BCAS1: variants seen among roughly 807,000 people sequenced by gnomAD.
BCAS1 encodes breast carcinoma-amplified sequence 1.
In BCAS1, 46 loss-of-function variants were observed where a neutral mutation model predicts 65.4. The ratio of observed to expected loss-of-function variants is 0.70; its 90% confidence interval spans 0.55 to 0.90. BCAS1 has a LOEUF of 0.90. BCAS1 is among the 40% of genes least tolerant of loss of function. BCAS1 has a pLI of 0.00. For missense variants in BCAS1, 793 were observed against 771.2 expected, an observed-to-expected ratio of 1.03 and a Z score of -0.33; for synonymous variants, 298 against 293.5, an observed-to-expected ratio of 1.02 and a Z score of -0.16.
chr20:54,046,373 CAGA>C (rs1205477496), intron 3 of BCAS1, among the ~76,000 whole-genome samples: 10 of 151,726 alleles, frequency 6.6e-5, no homozygotes, highest in Admixed American at 2.6e-4. Flanking sequence ...ACTAAAAATA[CAGA>C]AGATTAGCTG....
intron 12 of BCAS1, among the ~76,000 whole-genome samples, chr20:53,951,604 T>C (rs1445866792): frequency 1.3e-5 from 2 of 152,258 alleles, no homozygotes; most frequent in East Asian, 1.9e-4. Context: ...AGGAGCTTTG[T>C]GGCATCCCAA....
At chr20:54,040,224 A>G (rs991557336) in intron 3 of BCAS1, among the ~76,000 whole-genome samples, 4 of 151,464 alleles carry the variant, frequency 2.6e-5, no homozygotes, top group African/African-American at 9.7e-5. Flanking sequence ...ATATGCATTT[A>G]GTTTTGAAAA....
At chr20:53,945,825 T>C (rs2145434897) in intron 12 of BCAS1, among the ~76,000 whole-genome samples, 1 of 152,282 alleles carries the variant, frequency 6.6e-6, no homozygotes, top group East Asian at 1.9e-4. Context: ...TAGGCTGAAG[T>C]ACAGTGGTGG....
Position 53,944,186 on chromosome 20 carries a change from CCTT to C in BCAS1, c.*733_*735del, listed in dbSNP as rs778226038. On this transcript the variant is annotated 3_prime_UTR_variant, in exon 13 of 13. Transcript: ENST00000688948. ...ACCCAACACAGCCCGGGTTCTCCCTCCTTGAGATGTGAATTTAAACAAATGGAT... is the reference window on the plus strand; with the variant it reads ...ACCCAACACAGCCCGGGTTCTCCCTCGAGATGTGAATTTAAACAAATGGAT... 5 of 152,172 alleles carry C rather than the reference CCTT, an allele frequency of 3.3e-5. No individual in the cohort carries two copies. The highest frequency in any genetic ancestry group is 5.9e-5 in the Non-Finnish European group (4 of 68,056). 9.4% of individuals were successfully genotyped at this position (152,172 alleles called of 1,614,324 possible). A position where few individuals can be genotyped will look rare whatever the true frequency, so the allele number is the denominator to read the frequency against.
intron 10 of BCAS1, among the ~76,000 whole-genome samples, chr20:53,960,327 C>A (rs900562681): frequency 3.9e-5 from 6 of 152,022 alleles, no homozygotes; most frequent in African/African-American, 1.4e-4. Flanking sequence ...TCTTTCCCCC[C>A]ATTTCTTTGA....
In BCAS1 at chr20:53,955,232, G is replaced by A. The variant is rs934883870; in HGVS notation, c.1552-1537C>T. 7.9e-5 allele frequency among the ~76,000 whole-genome samples: 12 copies of A among 152,126 alleles called. No individual in the cohort carries two copies. The East Asian group carries it at 9.6e-4, about 12-fold the overall frequency. On this transcript the variant is annotated intron_variant, in intron 11 of 12. Transcript: ENST00000688948. Reference sequence around the variant, plus strand: ...CTCCCCGGTCCAGAAGGCCTCCACCGGTGCTCTTCAGAGGGCAGAAGTCCT... The same window carrying A: ...CTCCCCGGTCCAGAAGGCCTCCACCAGTGCTCTTCAGAGGGCAGAAGTCCT...
chr20:54,024,775 C>T (rs768085761), intron 4 of BCAS1, among the ~76,000 whole-genome samples: 4 of 152,068 alleles, frequency 2.6e-5, no homozygotes, highest in Non-Finnish European at 4.4e-5. Flanking sequence ...CAGGTCAGAC[C>T]TACTAGGACA....
intron 10 of BCAS1, among the ~76,000 whole-genome samples, chr20:53,966,610 A>G (rs1199067034): frequency 2.0e-5 from 3 of 152,178 alleles, no homozygotes; most frequent in Non-Finnish European, 4.4e-5. Context: ...AATCACTTGT[A>G]TGCTCACAAC....
At position 53,996,760 on chromosome 20, in the gene BCAS1, C is replaced by A. The variant is rs183416788; in HGVS notation, c.724-710G>T. ...ACAATACATTCTTTACTCAACAGAT[C>A]CCATCTTCCCACTCCTTACCACCCT... On this transcript the variant is annotated intron_variant, in intron 4 of 12. Coordinates refer to ENST00000688948, the MANE Select transcript of BCAS1 (RefSeq NM_001366298.2). 4.9e-4 allele frequency among the ~76,000 whole-genome samples: 74 copies of A among 152,230 alleles called. 1 individual carries two copies. The highest frequency in any genetic ancestry group is 9.3e-4 in the Non-Finnish European group (63 of 68,004).
intron 4 of BCAS1, among the ~76,000 whole-genome samples, chr20:54,014,325 A>G (rs2091385843): frequency 1.3e-5 from 2 of 152,244 alleles, no homozygotes; most frequent in South Asian, 4.1e-4. Context: ...TGTTGGCTTC[A>G]AAGAGCAAAC....
At position 54,070,523 on chromosome 20, in the gene BCAS1, C is replaced by T. The variant is rs1425718831; in HGVS notation, c.-96G>A. 3 of 152,646 alleles carry T rather than the reference C, an allele frequency of 2.0e-5. No individual in the cohort carries two copies. Among genetic ancestry groups the T allele is most frequent in the African/African-American group, 7.2e-5 (3 of 41,466 alleles). 9.5% of individuals were successfully genotyped at this position (152,646 alleles called of 1,614,324 possible). A position where few individuals can be genotyped will look rare whatever the true frequency, so the allele number is the denominator to read the frequency against. On this transcript the variant is annotated 5_prime_UTR_variant, in exon 1 of 13. Transcript: ENST00000688948. ...TCCTGGGTCTCCAGTGCGTGCTGCC[C>T]AGTGCCTGGCTGTCGGTGGAGCCTG... is the stretch of plus-strand genomic sequence containing the variant.
At chr20:53,998,408 G>A (rs2145868662) in intron 4 of BCAS1, among the ~76,000 whole-genome samples, 1 of 152,324 alleles carries the variant, frequency 6.6e-6, no homozygotes, top group South Asian at 2.1e-4. Context: ...GCTTCTGGGA[G>A]GCCTCAGGAA....
chr20:54,006,120 A>C (rs1313069773), intron 4 of BCAS1, among the ~76,000 whole-genome samples: 2 of 152,230 alleles, frequency 1.3e-5, no homozygotes, highest in African/African-American at 2.4e-5. Flanking sequence ...GTTCCATCAC[A>C]TAATTTTGAA....
At chr20:54,025,413 C>A (rs2091649619) in intron 4 of BCAS1, among the ~76,000 whole-genome samples, 1 of 152,164 alleles carries the variant, frequency 6.6e-6, no homozygotes, top group South Asian at 2.1e-4. Flanking sequence ...TATAATTTAT[C>A]TTTTCTTTGG....
rs142044318 is a variant in BCAS1, at chr20:53,944,844, G to T, written c.*78C>A. ...GCCATCAGAAGAATATATACATGGA[G>T]CGTGTTTGGGGAGGAGATGGAGTAA... is the stretch of plus-strand genomic sequence containing the variant. On this transcript the variant is annotated 3_prime_UTR_variant, in exon 13 of 13. Coordinates refer to ENST00000688948, the MANE Select transcript of BCAS1 (RefSeq NM_001366298.2). The T allele has an allele frequency of 1.4e-4, 176 of 1,286,888 alleles. No individual in the cohort carries two copies. The African/African-American group carries it at 2.1e-3, about 16-fold the overall frequency. The allele number at this position is 1,286,888 out of a possible 1,614,324, so 79.7% of individuals were successfully genotyped here.
At chr20:53,997,571 T>TCA (rs1295887461) in intron 4 of BCAS1, among the ~76,000 whole-genome samples, 1 of 145,572 alleles carries the variant, frequency 6.9e-6, no homozygotes, top group African/African-American at 2.8e-5. Context: ...TTTTAAATAC[T>TCA]CATGTATCTA....
At chr20:54,006,420 T>C (rs1020803420) in intron 4 of BCAS1, among the ~76,000 whole-genome samples, 2 of 152,156 alleles carry the variant, frequency 1.3e-5, no homozygotes, top group Non-Finnish European at 2.9e-5. Context: ...AGTTTTAAAG[T>C]TGGATTGGGC....
chr20:54,066,679 T>C (rs1296348242), intron 1 of BCAS1, among the ~76,000 whole-genome samples: 1 of 152,240 alleles, frequency 6.6e-6, no homozygotes, highest in African/African-American at 2.4e-5. Flanking sequence ...AAGGCAGCTG[T>C]TGGCTAGCCA....
At chr20:54,008,213 G>A (rs116431271) in intron 4 of BCAS1, among the ~76,000 whole-genome samples, 1 of 152,176 alleles carries the variant, frequency 6.6e-6, no homozygotes, top group African/African-American at 2.4e-5. Context: ...GACCGTAATA[G>A]GTTATCCCAA....
Sources: allele counts gnomAD v4.1 joint callset (sites outside exome capture counted in the v4.1 genomes callset), GRCh38; gene constraint gnomAD v4.1.1; transcripts MANE v1.5; gene names NCBI Gene and HGNC (gene_info 2026-07-23, HGNC 2026-07-21).